DOCK1: variants seen among roughly 807,000 people sequenced by gnomAD.
DOCK1 encodes dedicator of cytokinesis protein 1.
A neutral mutation model predicts 262.7 loss-of-function variants in DOCK1; 138 were observed. The ratio of observed to expected loss-of-function variants is 0.53; its 90% CI spans 0.46 to 0.61. DOCK1 has a LOEUF of 0.61. Among genes scored for constraint, DOCK1 ranks in the 20% least tolerant of loss-of-function variants. The pLI is 0.00. For missense variants in DOCK1, 1,908 were observed against 2,370.7 expected, an observed-to-expected ratio of 0.80 and a Z score of 4.05; for synonymous variants, 866 against 867.4, an observed-to-expected ratio of 1.00 and a Z score of 0.03.
In DOCK1 at chr10:127,070,334, A is replaced by G. The variant is rs1255636208; in HGVS notation, c.2445+8558A>G. Among the ~76,000 whole-genome samples the G allele has an allele frequency of 5.3e-5, 7 of 131,898 alleles. No homozygotes were observed. In the Admixed American group the frequency reaches 6.2e-4, roughly 12 times the overall value. The allele number at this position is 131,898 out of a possible 152,430, so 86.5% of individuals were successfully genotyped here. On this transcript the variant is annotated intron_variant, in intron 23 of 51. Coordinates refer to ENST00000623213, the MANE Select transcript of DOCK1 (RefSeq NM_001290223.2). Reference sequence around the variant, plus strand: ...AGTGGTGTGATCTCGGCTCACTGCAACCTCCACCTCCCGGGTTCAAACGAT... The same window carrying G: ...AGTGGTGTGATCTCGGCTCACTGCAGCCTCCACCTCCCGGGTTCAAACGAT...
At chr10:127,264,580 A>G (rs2060286630) in intron 29 of DOCK1, among the ~76,000 whole-genome samples, 1 of 152,210 alleles carries the variant, frequency 6.6e-6, no homozygotes, top group South Asian at 2.1e-4. Context: ...ACATAAAGGC[A>G]AATAAGACGG....
chr10:127,098,040 G>T (rs776529653), intron 23 of DOCK1, among the ~76,000 whole-genome samples: 1 of 152,210 alleles, frequency 6.6e-6, no homozygotes, highest in Admixed American at 6.5e-5. Flanking sequence ...CCAGTGAACT[G>T]ATTAGTGATT....
intron 4 of DOCK1, among the ~76,000 whole-genome samples, chr10:126,985,191 A>G (rs990345455): frequency 6.6e-6 from 1 of 151,760 alleles, no homozygotes; most frequent in Non-Finnish European, 1.5e-5. Flanking sequence ...ACGTTGGCCA[A>G]GCTGGCTTTG....
intron 29 of DOCK1, among the ~76,000 whole-genome samples, chr10:127,269,161 G>A (rs1166283340): frequency 1.3e-5 from 2 of 152,198 alleles, no homozygotes. Context: ...CAGAAGTCAA[G>A]CCTCGCTGGA....
chr10:127,379,700 T>G (rs2065723385), intron 35 of DOCK1, among the ~76,000 whole-genome samples: 1 of 152,258 alleles, frequency 6.6e-6, no homozygotes, highest in Non-Finnish European at 1.5e-5. Context: ...TGATGCTTAT[T>G]TGCTTATTCC....
At chr10:127,360,719 G>T (rs1352336265) in intron 32 of DOCK1, among the ~76,000 whole-genome samples, 1 of 152,174 alleles carries the variant, frequency 6.6e-6, no homozygotes, top group East Asian at 1.9e-4. Context: ...GAGTCGGGTA[G>T]GGTCCGAGTG....
rs569084175 is a variant in DOCK1 at position 127,425,821 on chromosome 10, C to T, written c.4777-53C>T. The stretch of plus-strand genomic sequence containing the variant: ...CCCCTTTCCCCAAGTGTGCATTGCT[C>T]GTCCTAGACCATTATCCAAGAAATA... On this transcript the variant is annotated intron_variant, in intron 46 of 51. Coordinates refer to ENST00000623213, the MANE Select transcript of DOCK1 (RefSeq NM_001290223.2). 8.1e-5 allele frequency: 130 copies of T among 1,602,346 alleles called. No homozygotes were observed. In the African/African-American group the frequency reaches 1.2e-3, roughly 15 times the overall value.
At chr10:127,360,831 T>C (rs185413590) in intron 32 of DOCK1, among the ~76,000 whole-genome samples, 10 of 152,280 alleles carry the variant, frequency 6.6e-5, no homozygotes, top group Admixed American at 5.9e-4. Context: ...ATCCTGCTTC[T>C]CCACTTCTCT....
At chr10:126,931,181 G>C (rs2034160079) in intron 1 of DOCK1, among the ~76,000 whole-genome samples, 2 of 152,194 alleles carry the variant, frequency 1.3e-5, no homozygotes, top group East Asian at 1.9e-4. Context: ...GGGTGGGAGA[G>C]ACAACAGTGT....
chr10:127,240,243 A>G (rs929329418), intron 27 of DOCK1, among the ~76,000 whole-genome samples: 3 of 145,670 alleles, frequency 2.1e-5, no homozygotes, highest in African/African-American at 7.6e-5. Context: ...CATTAGTGTA[A>G]GTTATTTTCT....
intron 27 of DOCK1, among the ~76,000 whole-genome samples, chr10:127,129,008 C>A (rs187459738): frequency 1.3e-5 from 2 of 152,140 alleles, no homozygotes. Flanking sequence ...CTTCCTGGTG[C>A]GTGACCGTTG....
At chr10:127,075,025 T>G (rs947890303) in intron 23 of DOCK1, among the ~76,000 whole-genome samples, 1 of 151,778 alleles carries the variant, frequency 6.6e-6, no homozygotes, top group Non-Finnish European at 1.5e-5. Flanking sequence ...CGGAATTAGC[T>G]GGGCTTGGTG....
intron 43 of DOCK1, among the ~76,000 whole-genome samples, 165 bp downstream of exon 43, chr10:127,411,089 G>A (rs1242921236): frequency 1.3e-5 from 2 of 152,138 alleles, no homozygotes; most frequent in Non-Finnish European, 2.9e-5. Context: ...TCCAAAGTTA[G>A]AAAAACTAAT....
intron 10 of DOCK1, among the ~76,000 whole-genome samples, chr10:127,006,984 G>A (rs1238840332): frequency 6.6e-6 from 1 of 152,138 alleles, no homozygotes. Context: ...CTTGGAAAAA[G>A]GTAAAAAGGT....
chr10:127,199,740 C>T (rs2483866), intron 27 of DOCK1, among the ~76,000 whole-genome samples: 152,271 of 152,368 alleles, frequency 1, 76,087 homozygotes, highest in Non-Finnish European at 1. Flanking sequence ...ATTCTGTCTC[C>T]TGCACTAGTT....
intron 21 of DOCK1, among the ~76,000 whole-genome samples, chr10:127,052,333 C>T (rs770321485): frequency 2.0e-5 from 3 of 152,130 alleles, no homozygotes; most frequent in South Asian, 4.2e-4. Context: ...GAGACCAGCC[C>T]GGGCAAATGG....
chr10:127,008,768 A>T lies in DOCK1; in HGVS notation c.1022A>T (p.Asp341Val), dbSNP rs556342533. The T allele has an allele frequency of 1.9e-6, 3 of 1,600,850 alleles. No homozygotes were observed. In the Admixed American group the frequency reaches 5.1e-5, roughly 27 times the overall value. Residue 341 changes from aspartate to valine, a missense_variant, in exon 11 of 52, where the codon GAT becomes GTT. Physicochemically the swap from Asp to Val is radical, Grantham distance 152 (BLOSUM62 -3). Transcript: ENST00000623213. ...DVTDIINGKV[D>V]DEDKQHFIPF... Reference sequence around the variant, plus strand: ...ACAGATATAATAAATGGAAAAGTAGATGATGAAGATAAGCAGCATTTCATT... The same window carrying T: ...ACAGATATAATAAATGGAAAAGTAGTTGATGAAGATAAGCAGCATTTCATT...
intron 31 of DOCK1, among the ~76,000 whole-genome samples, chr10:127,349,422 C>T (rs1355378210): frequency 6.6e-6 from 1 of 152,144 alleles, no homozygotes; most frequent in Non-Finnish European, 1.5e-5. Context: ...GGTGTCTGCT[C>T]TCTCTTGTCA....
At chr10:127,276,871 C>G (rs865811725) in intron 29 of DOCK1, among the ~76,000 whole-genome samples, 5 of 152,194 alleles carry the variant, frequency 3.3e-5, no homozygotes, top group African/African-American at 9.7e-5. Flanking sequence ...CTATTGCTGA[C>G]TTTACCTTCC....
Sources: gnomAD v4.1 joint callset for allele counts (sites outside exome capture counted in the v4.1 genomes callset) on GRCh38, gnomAD v4.1.1 for gene constraint, MANE v1.5 for transcripts, NCBI Gene and HGNC (gene_info 2026-07-23, HGNC 2026-07-21) for gene names.